Variants in MYZAP observed in about 807,000 individuals in gnomAD.
MYZAP encodes the protein myocardial zonula adherens protein, also known as GRINL1A complex locus upstream.
A neutral mutation model predicts 69.4 loss-of-function variants in MYZAP; 66 were observed. That is an observed-to-expected ratio of 0.95 (90% CI 0.78 to 1.17). MYZAP has a LOEUF of 1.17. Among genes scored for constraint, MYZAP ranks in the 50% most tolerant of loss-of-function variants. The pLI, the probability that MYZAP is intolerant of heterozygous loss-of-function variation, is 0.00. For synonymous variants in MYZAP, 256 were observed against 205.9 expected, an observed-to-expected ratio of 1.24 and a Z score of -2.09; for missense variants, 611 against 556.2, an observed-to-expected ratio of 1.10 and a Z score of -0.99.
chr15:57,631,780 T>C (rs751357360), intron 6 of MYZAP, among the ~76,000 whole-genome samples: 2 of 152,220 alleles, frequency 1.3e-5, no homozygotes, highest in African/African-American at 4.8e-5. Context: ...AGTTTAGGTA[T>C]GCAGCAAACT....
At chr15:57,612,959 T>G (rs913133179) in intron 2 of MYZAP, among the ~76,000 whole-genome samples, 5 of 152,022 alleles carry the variant, frequency 3.3e-5, no homozygotes, top group African/African-American at 1.2e-4. Context: ...CGAGACGGAG[T>G]CTCGCTCTGT....
intron 1 of MYZAP, among the ~76,000 whole-genome samples, chr15:57,595,526 G>A (rs1398991744): frequency 6.6e-6 from 1 of 151,868 alleles, no homozygotes; most frequent in Non-Finnish European, 1.5e-5. Flanking sequence ...GCTGGGTCGT[G>A]TGCTTTGCGG....
Position 57,612,597 on chromosome 15 carries a change from A to G in MYZAP, c.163-5436A>G, listed in dbSNP as rs1045868094. Among the ~76,000 whole-genome samples the G allele has an allele frequency of 2.0e-5, 3 of 152,206 alleles. 1 individual carries two copies. ...TCCCTGGCTTTTTGGAGCTTGTTGC[A>G]TTGTAGGATCCTATCTTCTCATTTA... On this transcript the variant is annotated intron_variant, in intron 2 of 12. Transcript: ENST00000267853.
intron 4 of MYZAP, among the ~76,000 whole-genome samples, chr15:57,623,744 A>T (rs963877016): frequency 1.3e-5 from 2 of 151,776 alleles, no homozygotes; most frequent in African/African-American, 2.4e-5. Flanking sequence ...AAAAAAAAAA[A>T]TAAGGGAAAG....
chr15:57,638,927 G>C (rs1218488093), intron 9 of MYZAP, among the ~76,000 whole-genome samples: 6 of 152,134 alleles, frequency 3.9e-5, no homozygotes, highest in African/African-American at 1.4e-4. Context: ...GAGCTTCTCA[G>C]ATCTGTAAAT....
chr15:57,592,914 C>A (rs1207883576), intron 1 of MYZAP, among the ~76,000 whole-genome samples: 1 of 152,194 alleles, frequency 6.6e-6, no homozygotes, highest in African/African-American at 2.4e-5. Context: ...TTTGGTACCT[C>A]TTTGCTCTGA....
chr15:57,623,347 C>G (rs146269555), intron 4 of MYZAP, among the ~76,000 whole-genome samples: 104 of 152,354 alleles, frequency 6.8e-4, no homozygotes, highest in African/African-American at 2.5e-3. Context: ...TACAGGTAGA[C>G]TCTCACATAT....
At position 57,621,464 on chromosome 15, in the gene MYZAP, G is replaced by A. The variant is rs559010828; in HGVS notation, c.319-144G>A. On this transcript the variant is annotated intron_variant, in intron 3 of 12. Coordinates refer to ENST00000267853, the MANE Select transcript of MYZAP (RefSeq NM_001018100.5). ...CCTGACCTTGTGATCCGCCTGCCTC[G>A]GCCTCCCAAAGTGCTGGGATTACAG... 1.5e-4 allele frequency: 105 copies of A among 707,512 alleles called. No homozygotes were observed. The East Asian group carries it at 2.7e-3, about 18-fold the overall frequency. 43.8% of individuals were successfully genotyped at this position (707,512 alleles called of 1,614,324 possible). A position where few individuals can be genotyped will look rare whatever the true frequency, so the allele number is the denominator to read the frequency against.
rs1220586897 is a variant in MYZAP at position 57,597,909 on chromosome 15, C to T, written c.75+5800C>T. Among the ~76,000 whole-genome samples the T allele has an allele frequency of 2.0e-5, 3 of 152,104 alleles. 1 individual carries two copies. The South Asian group carries it at 6.2e-4, about 32-fold the overall frequency. On this transcript the variant is annotated intron_variant, in intron 1 of 12. Transcript: ENST00000267853. ...AGCAGAGAGTGTGGGGTCTGTTCCC[C>T]CTAGCCACACTTACAAGGGCCCCAC...
At chr15:57,660,005 C>G (rs562997385) in intron 10 of MYZAP, among the ~76,000 whole-genome samples, 3 of 152,232 alleles carry the variant, frequency 2.0e-5, no homozygotes, top group Non-Finnish European at 4.4e-5. Flanking sequence ...TACATCAAAG[C>G]GAGTATACTG....
At chr15:57,665,471 TCATG>T (rs2038520842) in intron 11 of MYZAP, among the ~76,000 whole-genome samples, 1 of 152,258 alleles carries the variant, frequency 6.6e-6, no homozygotes, top group South Asian at 2.1e-4. Context: ...GATTTATTGA[TCATG>T]CCTGTGCTCC....
rs188909420 is a variant in MYZAP, at chr15:57,600,683, C to G, written c.76-3586C>G. ...GTCATCACTTACAGTGTTAATGTCTCTGATTCATTGACCAAATTGTTATTT... is the reference window on the plus strand; with the variant it reads ...GTCATCACTTACAGTGTTAATGTCTGTGATTCATTGACCAAATTGTTATTT... On this transcript the variant is annotated intron_variant, in intron 1 of 12. Transcript: ENST00000267853. Among the ~76,000 whole-genome samples the G allele has an allele frequency of 1.8e-4, 27 of 152,330 alleles. 1 individual carries two copies. The highest frequency in any genetic ancestry group is 6.0e-4 in the African/African-American group (25 of 41,586).
chr15:57,642,981 G>A (rs1191483529), intron 10 of MYZAP, among the ~76,000 whole-genome samples: 1 of 152,148 alleles, frequency 6.6e-6, no homozygotes. Context: ...TCTGTGAAAT[G>A]TGGAACCAAG....
At chr15:57,663,827 T>C (rs2038433154) in intron 11 of MYZAP, among the ~76,000 whole-genome samples, 1 of 152,186 alleles carries the variant, frequency 6.6e-6, no homozygotes, top group African/African-American at 2.4e-5. Flanking sequence ...CAGTTTTTTT[T>C]TGAGCATATC....
chr15:57,647,607 T>A, intron 10 of MYZAP: 2 of 985,446 alleles, frequency 2.0e-6, no homozygotes, highest in South Asian at 4.7e-5. Context: ...GTTTCTTTTC[T>A]CTTTTGGGCT....
At chr15:57,646,650 G>A (rs1249978915) in intron 10 of MYZAP, 1 of 992,052 alleles carries the variant, frequency 1.0e-6, no homozygotes, top group Non-Finnish European at 1.2e-6. Flanking sequence ...TCACCCCCAA[G>A]AAAGTACAGG....
chr15:57,659,229 G>A (rs928390752), intron 10 of MYZAP, among the ~76,000 whole-genome samples: 12 of 152,014 alleles, frequency 7.9e-5, no homozygotes, highest in African/African-American at 2.9e-4. Flanking sequence ...GCATAACAAG[G>A]TATCTCACGT....
chr15:57,670,038 G>A (rs1359633641), intron 11 of MYZAP, among the ~76,000 whole-genome samples: 1 of 152,092 alleles, frequency 6.6e-6, no homozygotes, highest in African/African-American at 2.4e-5. Context: ...TTATTTTATG[G>A]CTCAGCATAT....
chr15:57,651,015 C>T (rs1259263680), intron 10 of MYZAP, among the ~76,000 whole-genome samples: 1 of 152,186 alleles, frequency 6.6e-6, no homozygotes, highest in African/African-American at 2.4e-5. Context: ...TCCTCAATGG[C>T]TCCCCATTGC....
Sources: gnomAD v4.1 joint callset for allele counts (sites outside exome capture counted in the v4.1 genomes callset) on GRCh38, gnomAD v4.1.1 for gene constraint, MANE v1.5 for transcripts, NCBI Gene and HGNC (gene_info 2026-07-23, HGNC 2026-07-21) for gene names.